ANO6: variants seen among roughly 807,000 people sequenced by gnomAD.
ANO6 encodes the protein anoctamin 6, also known as anoctamin-6.
Under a neutral mutation model 117.5 loss-of-function variants are expected in ANO6, and 106 were observed. That is an observed-to-expected ratio of 0.90 (90% CI 0.77 to 1.06). ANO6 has a LOEUF of 1.06. Ranked by LOEUF, ANO6 falls within the 50% of genes least tolerant of loss-of-function variation. ANO6 has a pLI of 0.00. For missense variants in ANO6, 955 were observed against 1,121.1 expected, an observed-to-expected ratio of 0.85 and a Z score of 2.12; for synonymous variants, 367 against 385.1, an observed-to-expected ratio of 0.95 and a Z score of 0.55.
At chr12:45,251,846 T>C (rs1266664095) in intron 1 of ANO6, among the ~76,000 whole-genome samples, 2 of 152,196 alleles carry the variant, frequency 1.3e-5, no homozygotes, top group Non-Finnish European at 2.9e-5. Context: ...TTAGCCTTCT[T>C]GAACCCTTGA....
intron 2 of ANO6, among the ~76,000 whole-genome samples, chr12:45,317,113 G>GTGTGTGTATGTATATATA: frequency 1.5e-5 from 1 of 66,448 alleles, no homozygotes; most frequent in Non-Finnish European, 3.7e-5. Context: ...CTTTTTATAT[G>GTGTGTGTATGTATATATA]TATATATATA....
Position 45,348,615 on chromosome 12 carries a change from CT to C in ANO6, c.734del (p.Phe245SerfsTer71). The C allele has an allele frequency of 1.9e-6, 3 of 1,613,542 alleles. No individual in the cohort carries two copies. Among genetic ancestry groups the C allele is most frequent in the Non-Finnish European group, 2.5e-6 (3 of 1,179,558 alleles). On this transcript the variant is annotated frameshift_variant, in exon 6 of 20. Coordinates refer to ENST00000320560, the MANE Select transcript of ANO6 (RefSeq NM_001025356.3). LOFTEE classifies it high-confidence loss of function. ...RLVNSGIYKA[A>X]FPLHDCKFRR... ...GTAAACTCTGGGATCTACAAGGCAG[CT>C]TTCCCACTCCATGATGTAAGTTAAA...
intron 1 of ANO6, among the ~76,000 whole-genome samples, chr12:45,241,502 T>G (rs571874748): frequency 6.6e-6 from 1 of 152,192 alleles, no homozygotes; most frequent in Admixed American, 6.5e-5. Flanking sequence ...GAACATAAAC[T>G]TTTAGCTCAG....
intron 10 of ANO6, among the ~76,000 whole-genome samples, chr12:45,380,204 T>G (rs1403624305): frequency 2.0e-5 from 3 of 152,226 alleles, no homozygotes; most frequent in African/African-American, 7.2e-5. Context: ...CACCTGTTCA[T>G]ACTGATTCAT....
chr12:45,403,886 C>A (rs556129728), intron 15 of ANO6, among the ~76,000 whole-genome samples: 2 of 152,138 alleles, frequency 1.3e-5, no homozygotes, highest in Non-Finnish European at 2.9e-5. Context: ...TTCTTATATC[C>A]TCATATCCTT....
chr12:45,232,772 T>C (rs1420544923), intron 1 of ANO6, among the ~76,000 whole-genome samples: 1 of 152,200 alleles, frequency 6.6e-6, no homozygotes, highest in Non-Finnish European at 1.5e-5. Flanking sequence ...CTTGCTGAAA[T>C]AATAGCCCTG....
At chr12:45,420,537 C>T (rs1008291096) in intron 17 of ANO6, among the ~76,000 whole-genome samples, 5 of 151,822 alleles carry the variant, frequency 3.3e-5, no homozygotes, top group Non-Finnish European at 7.4e-5. Context: ...CCAAGGAGTT[C>T]GAGGTTACAG....
At chr12:45,435,976 AC>A (rs1943703208), downstream of ANO6, among the ~76,000 whole-genome samples, 1 of 152,264 alleles carries the variant, frequency 6.6e-6, no homozygotes, top group South Asian at 2.1e-4. Flanking sequence ...CAGGAAACTA[AC>A]CCCTTTATCT....
At chr12:45,308,048 A>ATATTTTTTT (rs1939728865) in intron 2 of ANO6, among the ~76,000 whole-genome samples, 1 of 69,296 alleles carries the variant, frequency 1.4e-5, no homozygotes, top group Non-Finnish European at 2.6e-5. Flanking sequence ...TGTGTGTGTA[A>ATATTTTTTT]TTTTTTTTTT....
chr12:45,338,868 T>G (rs1436848160), intron 3 of ANO6, among the ~76,000 whole-genome samples: 3 of 151,952 alleles, frequency 2.0e-5, no homozygotes, highest in Admixed American at 6.6e-5. Context: ...AAGACCTGAT[T>G]ATTCTATTTT....
intron 12 of ANO6, among the ~76,000 whole-genome samples, chr12:45,400,687 G>A (rs773214517): frequency 2.0e-5 from 3 of 152,144 alleles, no homozygotes; most frequent in Admixed American, 6.5e-5. Flanking sequence ...AAGCCCCAGT[G>A]GAGCTTGTAC....
chr12:45,372,081 T>G (rs1024499816), intron 9 of ANO6, among the ~76,000 whole-genome samples: 2 of 142,782 alleles, frequency 1.4e-5, no homozygotes, highest in South Asian at 4.2e-4. Context: ...CCTCAGGAGC[T>G]GATGCGATCA....
chr12:45,252,645 G>A (rs527613001), intron 1 of ANO6, among the ~76,000 whole-genome samples: 1 of 152,292 alleles, frequency 6.6e-6, no homozygotes, highest in African/African-American at 2.4e-5. Context: ...CCTGGGGTCT[G>A]TAAAGCATTG....
chr12:45,231,964 T>A (rs953192891), intron 1 of ANO6, among the ~76,000 whole-genome samples: 3 of 152,196 alleles, frequency 2.0e-5, no homozygotes, highest in Admixed American at 2.0e-4. Flanking sequence ...TTTACTAGAT[T>A]ATTTGGCAAA....
chr12:45,388,065 G>A (rs925796142), intron 10 of ANO6, 96 bp from the exon 11 acceptor site: 8 of 1,509,984 alleles, frequency 5.3e-6, no homozygotes, highest in Non-Finnish European at 6.4e-6. Context: ...TGTGAAAACA[G>A]GCCAGTACAA....
intron 2 of ANO6, among the ~76,000 whole-genome samples, chr12:45,322,063 G>A (rs185383867): frequency 6.6e-6 from 1 of 152,020 alleles, no homozygotes; most frequent in Non-Finnish European, 1.5e-5. Flanking sequence ...CATGACTTTT[G>A]CACCATCATT....
intron 1 of ANO6, among the ~76,000 whole-genome samples, chr12:45,223,446 T>C (rs1004110389): frequency 1.3e-5 from 2 of 152,160 alleles, no homozygotes; most frequent in African/African-American, 4.8e-5. Context: ...GTGTTGATTG[T>C]TGAATAAGAG....
At chr12:45,240,087 T>G (rs1046713944) in intron 1 of ANO6, among the ~76,000 whole-genome samples, 6 of 152,176 alleles carry the variant, frequency 3.9e-5, no homozygotes, top group African/African-American at 1.4e-4. Flanking sequence ...TTGTTAACCT[T>G]CGTTCTCGTT....
At position 45,367,676 on chromosome 12, in the gene ANO6, C is replaced by A; in HGVS notation, c.999-12C>A. ...AATTTTTTAAAATTAAGTTTTATTT[C>A]TCTCTTTTTAGCAAAGAAGTTTGTC... On this transcript the variant is annotated splice_polypyrimidine_tract_variant and intron_variant, in intron 8 of 19. Coordinates refer to ENST00000320560, the MANE Select transcript of ANO6 (RefSeq NM_001025356.3). 1 of 1,605,304 alleles carries A rather than the reference C, an allele frequency of 6.2e-7. No individual in the cohort carries two copies. The highest frequency in any genetic ancestry group is 8.5e-7 in the Non-Finnish European group (1 of 1,173,516).
Sources: allele counts gnomAD v4.1 joint callset (sites outside exome capture counted in the v4.1 genomes callset), GRCh38; gene constraint gnomAD v4.1.1; transcripts MANE v1.5; gene names NCBI Gene and HGNC (gene_info 2026-07-23, HGNC 2026-07-21).